Variants in RPS6KC1 observed in about 807,000 individuals in gnomAD.
RPS6KC1 encodes the protein ribosomal protein S6 kinase C1, also known as inactive ribosomal protein S6 kinase delta-1.
Under a neutral mutation model 103.8 loss-of-function variants are expected in RPS6KC1, and 54 were observed. The ratio of observed to expected loss-of-function variants is 0.52; its 90% CI spans 0.42 to 0.65. The LOEUF (loss-of-function observed/expected upper bound fraction) is 0.65. RPS6KC1 is among the 30% of genes least tolerant of loss of function. The pLI, the probability that RPS6KC1 is intolerant of heterozygous loss-of-function variation, is 0.00. For synonymous variants in RPS6KC1, 439 were observed against 438.7 expected, an observed-to-expected ratio of 1.00 and a Z score of -0.01; for missense variants, 1,151 against 1,253.8, an observed-to-expected ratio of 0.92 and a Z score of 1.24.
Position 213,241,337 on chromosome 1 carries a change from T to G in RPS6KC1, c.1861T>G (p.Leu621Val), listed in dbSNP as rs187036422. Residue 621 changes from leucine to valine, a missense_variant, in exon 11 of 15, where the codon TTG (leucine) becomes GTG (valine). Leu to Val is a conservative substitution (Grantham distance 32). Coordinates refer to ENST00000366960, the MANE Select transcript of RPS6KC1 (RefSeq NM_012424.6). Reference sequence around the variant, plus strand: ...CCTGGGACTTGACTTTGGAGAAAAATTGTATAGTCTAAAATCAGAACCTTT... The same window carrying G: ...CCTGGGACTTGACTTTGGAGAAAAAGTGTATAGTCTAAAATCAGAACCTTT... ...ELLGLDFGEK[L>V]YSLKSEPLKP... The G allele has an allele frequency of 4.3e-6, 7 of 1,613,852 alleles. No homozygotes were observed. The highest frequency in any genetic ancestry group is 1.7e-4 in the Middle Eastern group (1 of 6,060).
the RPS6KC1 span, among the ~76,000 whole-genome samples, chr1:213,598,330 C>A: frequency 4.1e-4 from 62 of 152,268 alleles, no homozygotes; most frequent in Middle Eastern, 3.4e-3. Context: ...TGTGCAAAGT[C>A]GCTCAGCCCA....
At chr1:213,117,937 G>A (rs1054838482) in intron 5 of RPS6KC1, among the ~76,000 whole-genome samples, 5 of 148,590 alleles carry the variant, frequency 3.4e-5, no homozygotes, top group African/African-American at 9.9e-5. Flanking sequence ...CACAAGAATC[G>A]CTTGAACCTG....
At chr1:213,127,730 C>T (rs1278453942) in intron 5 of RPS6KC1, among the ~76,000 whole-genome samples, 1 of 152,172 alleles carries the variant, frequency 6.6e-6, no homozygotes, top group Non-Finnish European at 1.5e-5. Flanking sequence ...TAACCTCTGT[C>T]TGCCACTTTG....
At chr1:213,277,811 A>T (rs1445610185), downstream of RPS6KC1, among the ~76,000 whole-genome samples, 1 of 152,212 alleles carries the variant, frequency 6.6e-6, no homozygotes, top group Non-Finnish European at 1.5e-5. Flanking sequence ...AGAATGACAA[A>T]TGAGCCAGCT....
At chr1:213,319,389 C>A in the RPS6KC1 span, among the ~76,000 whole-genome samples, 1 of 149,754 alleles carries the variant, frequency 6.7e-6, no homozygotes, top group Non-Finnish European at 1.5e-5. Context: ...GGAAAGGAGG[C>A]TCTTTAGACA....
chr1:213,119,493 T>G, intron 5 of RPS6KC1, among the ~76,000 whole-genome samples: 1 of 65,276 alleles, frequency 1.5e-5, no homozygotes, highest in South Asian at 5.3e-4. Context: ...TATATATATA[T>G]ATATATGAGA....
At position 213,129,713 on chromosome 1, in the gene RPS6KC1, G is replaced by C. The variant is rs369704036; in HGVS notation, c.659G>C (p.Arg220Pro). The C allele has an allele frequency of 6.2e-7, 1 of 1,613,926 alleles. No individual in the cohort carries two copies. Among genetic ancestry groups the C allele is most frequent in the African/African-American group, 1.3e-5 (1 of 74,920 alleles). The change falls in exon 6 of 15, where the codon CGG becomes CCG. Residue 220 changes from arginine to proline, a missense_variant. Physicochemically the swap from Arg to Pro is moderately radical, Grantham distance 103. This residue lies in a region of RPS6KC1 where 959 missense variants were observed against 1,006.3 expected (regional missense o/e 0.95). Coordinates refer to ENST00000366960, the MANE Select transcript of RPS6KC1 (RefSeq NM_012424.6). ...DSEQSKTEEERESRSLFPGSL... is the reference protein window; with the variant it reads ...DSEQSKTEEEPESRSLFPGSL... ...GAACAGAGCAAAACAGAAGAAGAAC[G>C]GGAAAGTCGTAGCCTCTTTCCTGGC...
the RPS6KC1 span, among the ~76,000 whole-genome samples, chr1:213,720,618 G>A: frequency 6.6e-6 from 1 of 152,200 alleles, no homozygotes; most frequent in Non-Finnish European, 1.5e-5. Context: ...TAGGTACAGA[G>A]AATTTAGAGA....
the RPS6KC1 span, among the ~76,000 whole-genome samples, chr1:213,490,526 C>T: frequency 6.6e-6 from 1 of 152,108 alleles, no homozygotes; most frequent in African/African-American, 2.4e-5. Context: ...CCCATTGTAC[C>T]TGGGTGTCGG....
chr1:213,639,209 C>T, the RPS6KC1 span, among the ~76,000 whole-genome samples: 1 of 152,070 alleles, frequency 6.6e-6, no homozygotes, highest in African/African-American at 2.4e-5. Flanking sequence ...TATAACCTTG[C>T]TGAACTCACT....
intron 6 of RPS6KC1, among the ~76,000 whole-genome samples, chr1:213,139,673 TAGAAATAAAG>T (rs1161240948): frequency 6.6e-6 from 1 of 152,042 alleles, no homozygotes; most frequent in Non-Finnish European, 1.5e-5. Flanking sequence ...TTCCATAACC[TAGAAATAAAG>T]AAGGGTTTCA....
At chr1:213,356,286 T>C in the RPS6KC1 span, among the ~76,000 whole-genome samples, 1 of 152,242 alleles carries the variant, frequency 6.6e-6, no homozygotes, top group South Asian at 2.1e-4. Flanking sequence ...CATGGACTGA[T>C]TTGTTTAACA....
At chr1:213,779,878 A>C in the RPS6KC1 span, among the ~76,000 whole-genome samples, 2 of 152,156 alleles carry the variant, frequency 1.3e-5, no homozygotes, top group African/African-American at 2.4e-5. Context: ...TAAAATGTTA[A>C]ATGTCTATAG....
the RPS6KC1 span, among the ~76,000 whole-genome samples, chr1:213,647,188 G>C: frequency 1.3e-5 from 2 of 152,126 alleles, no homozygotes; most frequent in African/African-American, 2.4e-5. Context: ...TGTGATTACA[G>C]GTATGAGCCA....
At chr1:213,760,174 C>T in the RPS6KC1 span, among the ~76,000 whole-genome samples, 1 of 152,194 alleles carries the variant, frequency 6.6e-6, no homozygotes, top group Non-Finnish European at 1.5e-5. Flanking sequence ...TCAGGATAAA[C>T]ACACCAGCTG....
chr1:213,623,418 G>A, the RPS6KC1 span, among the ~76,000 whole-genome samples: 1 of 152,094 alleles, frequency 6.6e-6, no homozygotes, highest in Non-Finnish European at 1.5e-5. Context: ...AGCCTTACTA[G>A]CCACAAAACC....
At chr1:213,289,995 C>T in the RPS6KC1 span, among the ~76,000 whole-genome samples, 3 of 152,004 alleles carry the variant, frequency 2.0e-5, no homozygotes, top group Non-Finnish European at 4.4e-5. Flanking sequence ...GCCGAGATCG[C>T]ACCATTGCAC....
At chr1:213,231,459 G>C (rs1182483438) in intron 9 of RPS6KC1, among the ~76,000 whole-genome samples, 1 of 152,122 alleles carries the variant, frequency 6.6e-6, no homozygotes, top group African/African-American at 2.4e-5. Context: ...CCTAATTTAA[G>C]CATTTCCACA....
the RPS6KC1 span, among the ~76,000 whole-genome samples, chr1:213,470,664 G>C: frequency 7.0e-6 from 1 of 142,076 alleles, no homozygotes; most frequent in Non-Finnish European, 1.5e-5. Context: ...GTGCCACCCA[G>C]GCTGGAGTGC....
Sources: allele counts gnomAD v4.1 joint callset (sites outside exome capture counted in the v4.1 genomes callset), GRCh38; gene constraint gnomAD v4.1.1; regional missense constraint gnomAD v4.1.1; transcripts MANE v1.5; gene names NCBI Gene and HGNC (gene_info 2026-07-23, HGNC 2026-07-21).